ACADSB: variants seen among roughly 807,000 people sequenced by gnomAD.
ACADSB encodes the protein short/branched chain specific acyl-CoA dehydrogenase, mitochondrial.
ACADSB carries 40 observed loss-of-function variants against 54.1 expected under a neutral mutation model. The ratio of observed to expected loss-of-function variants is 0.74; its 90% CI spans 0.57 to 0.96. The LOEUF (loss-of-function observed/expected upper bound fraction) is 0.96, where lower values mean the gene tolerates loss of function less well. Ranked by LOEUF, ACADSB falls within the 40% of genes least tolerant of loss-of-function variation. ACADSB has a pLI of 0.00. For synonymous variants in ACADSB, 182 were observed against 182.8 expected, an observed-to-expected ratio of 1.00 and a Z score of 0.03; for missense variants, 530 against 510.4, an observed-to-expected ratio of 1.04 and a Z score of -0.37.
rs1257657466 is a variant in ACADSB, at chr10:123,052,141, A to C, written c.1129-920A>C. Reference sequence around the variant, plus strand: ...GGCTTCTCACAACAAATGGAGCTCTATCTGTACTAGATTCCAATTGCTGCT... The same window carrying C: ...GGCTTCTCACAACAAATGGAGCTCTCTCTGTACTAGATTCCAATTGCTGCT... On this transcript the variant is annotated intron_variant, in intron 9 of 10. Transcript: ENST00000358776. This position sits in a 1 kb window ranked among gnomAD's most constrained non-coding sequence, Gnocchi z 4.2. Among the ~76,000 whole-genome samples, 3 of 152,156 alleles carry C rather than the reference A, an allele frequency of 2.0e-5. No individual in the cohort carries two copies. Among genetic ancestry groups the C allele is most frequent in the Non-Finnish European group, 4.4e-5 (3 of 68,034 alleles).
At chr10:123,039,492 A>G (rs1347739474) in intron 3 of ACADSB, among the ~76,000 whole-genome samples, 1 of 152,212 alleles carries the variant, frequency 6.6e-6, no homozygotes, top group African/African-American at 2.4e-5. Context: ...GGGTCGTTGG[A>G]AAGGCTTGGC....
chr10:123,051,305 T>C, intron 9 of ACADSB, 119 bp downstream of exon 9: 1 of 1,242,994 alleles, frequency 8.0e-7, no homozygotes, highest in South Asian at 1.7e-5. Context: ...TTTTTCAAGT[T>C]AAGATAACAT....
chr10:123,019,281 T>C (rs981557346), intron 1 of ACADSB, among the ~76,000 whole-genome samples: 12 of 152,174 alleles, frequency 7.9e-5, no homozygotes, highest in Non-Finnish European at 1.6e-4. Flanking sequence ...AACCAGGAAA[T>C]TGACATTGAT....
At chr10:123,043,872 T>A (rs1448263626) in intron 6 of ACADSB, among the ~76,000 whole-genome samples, 1 of 152,220 alleles carries the variant, frequency 6.6e-6, no homozygotes, top group Non-Finnish European at 1.5e-5. Flanking sequence ...TTTATTTTTT[T>A]AAAGTATGAA....
chr10:123,032,515 G>C (rs1361750034), intron 1 of ACADSB, among the ~76,000 whole-genome samples: 2 of 151,048 alleles, frequency 1.3e-5, no homozygotes, highest in Admixed American at 6.6e-5. Context: ...CCCATTCAAG[G>C]CTCCACCACC....
At chr10:123,025,224 A>G (rs1351214774) in intron 1 of ACADSB, among the ~76,000 whole-genome samples, 2 of 152,234 alleles carry the variant, frequency 1.3e-5, no homozygotes, top group East Asian at 1.9e-4. Context: ...GCGGGGGCCT[A>G]GCCACAAGGA....
At position 123,054,395 on chromosome 10, in the gene ACADSB, G is replaced by GA. The variant is rs1850677833; in HGVS notation, c.*632dup. On this transcript the variant is annotated 3_prime_UTR_variant, in exon 11 of 11. Coordinates refer to ENST00000358776, the MANE Select transcript of ACADSB (RefSeq NM_001609.4). ...ATCATTTGGAAAAATAAAGGCATCT[G>GA]AAGTACAATATTACTTATAGAAATA... 1 of 152,740 alleles carries GA rather than the reference G, an allele frequency of 6.5e-6. No individual in the cohort carries two copies. The highest frequency in any genetic ancestry group is 1.5e-5 in the Non-Finnish European group (1 of 68,396). The allele number at this position is 152,740 out of a possible 1,614,324, so 9.5% of individuals were successfully genotyped here.
At chr10:123,046,863 C>T (rs1004179687) in intron 7 of ACADSB, among the ~76,000 whole-genome samples, 1 of 152,182 alleles carries the variant, frequency 6.6e-6, no homozygotes, top group Non-Finnish European at 1.5e-5. Flanking sequence ...ACTTCTATGG[C>T]TCATTTTATA....
chr10:123,011,479 C>A (rs1850032813), intron 1 of ACADSB, among the ~76,000 whole-genome samples: 1 of 152,060 alleles, frequency 6.6e-6, no homozygotes, highest in Non-Finnish European at 1.5e-5. Context: ...GAGAATTGGA[C>A]CTTGTAGTTA....
intron 6 of ACADSB, 23 bp downstream of exon 6, chr10:123,043,194 T>C: frequency 6.2e-7 from 1 of 1,612,664 alleles, no homozygotes; most frequent in African/African-American, 1.3e-5. Flanking sequence ...GACTAATCAG[T>C]AAAAGACTGA....
intron 1 of ACADSB, among the ~76,000 whole-genome samples, chr10:123,026,504 C>A (rs527498464): frequency 1.6e-4 from 25 of 152,206 alleles, no homozygotes; most frequent in Middle Eastern, 3.4e-3. Flanking sequence ...AGTTTACTTA[C>A]AACAAAAGGA....
intron 10 of ACADSB, 136 bp from the exon 11 acceptor site, chr10:123,053,559 A>T: frequency 1.3e-6 from 1 of 795,348 alleles, no homozygotes. Flanking sequence ...GTGAAATAGT[A>T]CCATATTCAG....
intron 8 of ACADSB, 115 bp downstream of exon 8, chr10:123,047,413 G>T: frequency 1.3e-6 from 1 of 772,980 alleles, no homozygotes; most frequent in East Asian, 2.6e-5. Flanking sequence ...AATGGGAGAT[G>T]GGTAGGGGAG....
chr10:123,017,963 G>A (rs945708573), intron 1 of ACADSB, among the ~76,000 whole-genome samples: 4 of 152,252 alleles, frequency 2.6e-5, no homozygotes, highest in South Asian at 2.1e-4. Flanking sequence ...CCAGGTAGCC[G>A]ACTTCAGAGA....
intron 8 of ACADSB, among the ~76,000 whole-genome samples, chr10:123,050,473 G>A (rs113047379): frequency 0.019 from 2,873 of 152,280 alleles, 90 homozygotes; most frequent in African/African-American, 0.063. Flanking sequence ...GTTTATAAAT[G>A]TTAATGTTTG....
At position 123,031,606 on chromosome 10, in the gene ACADSB, AG is replaced by A. The variant is rs1850328009; in HGVS notation, c.43-2749del. Among the ~76,000 whole-genome samples, 4 of 152,208 alleles carry A rather than the reference AG, an allele frequency of 2.6e-5. No individual in the cohort carries two copies. In the South Asian group the frequency reaches 8.3e-4, roughly 32 times the overall value. On this transcript the variant is annotated intron_variant, in intron 1 of 10. Transcript: ENST00000358776. ...TGCAGTCAAAGGCCAGGAAAAGAAA[AG>A]CTTCTTTTATTAAAGACTGTCATAG...
At chr10:123,013,819 C>T (rs889411729) in intron 1 of ACADSB, among the ~76,000 whole-genome samples, 1 of 152,226 alleles carries the variant, frequency 6.6e-6, no homozygotes. Context: ...GCCAAGCCCA[C>T]GCCCACCCGG....
rs1367013238 is a variant in ACADSB at position 123,053,848 on chromosome 10, C to T, written c.*83C>T. On this transcript the variant is annotated 3_prime_UTR_variant, in exon 11 of 11. Transcript: ENST00000358776. The stretch of plus-strand genomic sequence containing the variant: ...TGTCTTGTTGGGAGTAAGTGCCTTG[C>T]GTGGGAATAAACTTCCACAGCATTC... 1.1e-5 allele frequency: 13 copies of T among 1,235,428 alleles called. No homozygotes were observed. The highest frequency in any genetic ancestry group is 7.0e-5 in the East Asian group (3 of 43,008). 76.5% of individuals were successfully genotyped at this position (1,235,428 alleles called of 1,614,324 possible).
At chr10:123,034,549 C>A in intron 2 of ACADSB, 34 bp downstream of exon 2, 1 of 1,591,668 alleles carries the variant, frequency 6.3e-7, no homozygotes, top group South Asian at 1.1e-5. Flanking sequence ...CTTTTTCTCC[C>A]CAGACAGGAT....
Sources: allele counts gnomAD v4.1 joint callset (sites outside exome capture counted in the v4.1 genomes callset), GRCh38; gene constraint gnomAD v4.1.1; non-coding constraint Gnocchi (gnomAD v3.1); transcripts MANE v1.5; gene names NCBI Gene and HGNC (gene_info 2026-07-23, HGNC 2026-07-21).